Variants in RPS6KC1 observed in about 807,000 individuals in gnomAD.
RPS6KC1 encodes inactive ribosomal protein S6 kinase delta-1.
A neutral mutation model predicts 103.8 loss-of-function variants in RPS6KC1; 54 were observed. That is an observed-to-expected ratio of 0.52 (90% confidence interval 0.42 to 0.65). The LOEUF is 0.65. Ranked by LOEUF, RPS6KC1 falls within the 30% of genes least tolerant of loss-of-function variation. The probability of loss-of-function intolerance (pLI) is 0.00; values close to 1 mark genes in which losing one functional copy is unlikely to be tolerated. For synonymous variants in RPS6KC1, 439 were observed against 438.7 expected, an observed-to-expected ratio of 1.00 and a Z score of -0.01; for missense variants, 1,151 against 1,253.8, an observed-to-expected ratio of 0.92 and a Z score of 1.24.
chr1:213,283,725 G>T, the RPS6KC1 span, among the ~76,000 whole-genome samples: 6 of 152,156 alleles, frequency 3.9e-5, no homozygotes, highest in Non-Finnish European at 2.9e-5. Context: ...AGGAGAGATT[G>T]CTGGGAGTGG....
At chr1:213,222,902 A>T (rs750585915) in intron 8 of RPS6KC1, among the ~76,000 whole-genome samples, 18 of 152,230 alleles carry the variant, frequency 1.2e-4, no homozygotes, top group Non-Finnish European at 2.6e-4. Flanking sequence ...AAATTTGCCC[A>T]TCTGGTTAAA....
chr1:213,589,933 G>A, the RPS6KC1 span, among the ~76,000 whole-genome samples: 486 of 140,978 alleles, frequency 3.4e-3, 1 homozygote, highest in African/African-American at 0.012. Context: ...GTGACAAAAG[G>A]TAGTGGTGTG....
chr1:213,519,230 G>T, the RPS6KC1 span, among the ~76,000 whole-genome samples: 10 of 152,134 alleles, frequency 6.6e-5, no homozygotes, highest in Non-Finnish European at 1.3e-4. Flanking sequence ...TCATACGGAG[G>T]TTCATGCTGA....
chr1:213,716,424 A>T, the RPS6KC1 span, among the ~76,000 whole-genome samples: 1 of 152,154 alleles, frequency 6.6e-6, no homozygotes, highest in Non-Finnish European at 1.5e-5. Flanking sequence ...CTCTTAACTG[A>T]TCCCCTTTCC....
rs1193002243 is a variant in RPS6KC1 at position 213,102,040 on chromosome 1, T to C, written c.263-2414T>C. ...TGTCATTTTAGATTTGGTATTGTTATTGGGAGGGTTGAGTTTAATTGTTGC... is the reference window on the plus strand; with the variant it reads ...TGTCATTTTAGATTTGGTATTGTTACTGGGAGGGTTGAGTTTAATTGTTGC... On this transcript the variant is annotated intron_variant, in intron 3 of 14. Coordinates refer to ENST00000366960, the MANE Select transcript of RPS6KC1 (RefSeq NM_012424.6). 2.0e-5 allele frequency among the ~76,000 whole-genome samples: 3 copies of C among 152,208 alleles called. No homozygotes were observed. In the East Asian group the frequency reaches 5.8e-4, roughly 29 times the overall value.
the RPS6KC1 span, among the ~76,000 whole-genome samples, chr1:213,317,434 C>T: frequency 4.6e-5 from 7 of 152,202 alleles, no homozygotes; most frequent in African/African-American, 1.4e-4. Flanking sequence ...CATCCTCACA[C>T]AGCAGAGAGA....
intron 8 of RPS6KC1, among the ~76,000 whole-genome samples, chr1:213,217,250 T>G (rs370277992): frequency 6.7e-6 from 1 of 149,686 alleles, no homozygotes; most frequent in Non-Finnish European, 1.5e-5. Context: ...ACACCTCTAC[T>G]CAAATAAACT....
At chr1:213,810,254 A>G in the RPS6KC1 span, among the ~76,000 whole-genome samples, 2 of 152,202 alleles carry the variant, frequency 1.3e-5, no homozygotes, top group African/African-American at 4.8e-5. Flanking sequence ...CTGGCAGTTG[A>G]CTCAACAAAT....
At chr1:213,600,098 C>T in the RPS6KC1 span, among the ~76,000 whole-genome samples, 5 of 152,082 alleles carry the variant, frequency 3.3e-5, no homozygotes, top group Non-Finnish European at 5.9e-5. Context: ...TTTCTTGGCT[C>T]GCGCTTCCCT....
chr1:213,571,487 G>A, the RPS6KC1 span, among the ~76,000 whole-genome samples: 1 of 152,138 alleles, frequency 6.6e-6, no homozygotes, highest in Admixed American at 6.5e-5. Context: ...TCAAGCACAT[G>A]GCATGGATGG....
chr1:213,241,986 C>A lies in RPS6KC1; in HGVS notation c.2510C>A (p.Thr837Asn). Residue 837 changes from threonine (T) to asparagine (N), a missense_variant, in exon 11 of 15, where the codon ACT becomes AAT. Around this residue, in one of 3 missense-constraint regions of RPS6KC1, gnomAD observed 959 missense variants for 1,006.3 expected, o/e 0.95. Coordinates refer to ENST00000366960, the MANE Select transcript of RPS6KC1 (RefSeq NM_012424.6). ...GANEYIASTD[T>N]LKTEEVLLFT... ...AATGAATATATTGCAAGCACAGACA[C>A]TTTAAAAACAGAAGAAGTATTGCTG... The A allele has an allele frequency of 6.2e-7, 1 of 1,614,042 alleles. No individual in the cohort carries two copies. Among genetic ancestry groups the A allele is most frequent in the Non-Finnish European group, 8.5e-7 (1 of 1,179,956 alleles).
the RPS6KC1 span, among the ~76,000 whole-genome samples, chr1:213,362,710 T>C: frequency 2.6e-5 from 4 of 152,202 alleles, no homozygotes; most frequent in Non-Finnish European, 4.4e-5. Context: ...TGGTCAAACA[T>C]TATTCTGGAT....
chr1:213,694,160 T>G, the RPS6KC1 span, among the ~76,000 whole-genome samples: 58 of 152,266 alleles, frequency 3.8e-4, 1 homozygote, highest in Non-Finnish European at 1.2e-4. Context: ...ACTTATCTCC[T>G]GCTCAATCTC....
At chr1:213,781,420 C>T in the RPS6KC1 span, among the ~76,000 whole-genome samples, 75 of 152,064 alleles carry the variant, frequency 4.9e-4, no homozygotes, top group Non-Finnish European at 7.4e-5. Context: ...ATCCAGAAGG[C>T]AGGTGTGTGG....
chr1:213,241,078 C>T lies in RPS6KC1; in HGVS notation c.1602C>T (p.Phe534=), dbSNP rs1423560732. The part of the protein sequence containing the change: ...IEPGSLNEEP[F]MKTEGNGVDT... ...CAGGGTCTTTGAATGAGGAGCCCTT[C>T]ATGAAGACTGAAGGGAATGGTGTTG... The change falls in exon 11 of 15, where the codon TTC becomes TTT. Residue 534 remains phenylalanine (F), a synonymous_variant. Transcript: ENST00000366960. 1.2e-6 allele frequency: 2 copies of T among 1,613,532 alleles called. No individual in the cohort carries two copies. The highest frequency in any genetic ancestry group is 2.7e-5 in the African/African-American group (2 of 75,028).
the RPS6KC1 span, among the ~76,000 whole-genome samples, chr1:213,355,121 G>A: frequency 1.3e-5 from 2 of 152,030 alleles, no homozygotes; most frequent in Non-Finnish European, 2.9e-5. Flanking sequence ...AGGAGGCTGA[G>A]GCAGGAGAAT....
chr1:213,746,924 T>A, the RPS6KC1 span, among the ~76,000 whole-genome samples: 1 of 152,234 alleles, frequency 6.6e-6, no homozygotes, highest in Non-Finnish European at 1.5e-5. Context: ...AAGTCTGTGA[T>A]GTCTGTGTTA....
In RPS6KC1 at chr1:213,167,859, A is replaced by G; in HGVS notation, c.837A>G (p.Gly279=). ...GVDLLLEGVQ[G]ESSPTRREAV... Reference sequence around the variant, plus strand: ...ACATGTCCAGACTTTTTTTTTTAGGAGAGTCAAGCCCTACCCGTCGAGAAG... The same window carrying G: ...ACATGTCCAGACTTTTTTTTTTAGGGGAGTCAAGCCCTACCCGTCGAGAAG... Residue 279 remains glycine (G), a splice_region_variant and synonymous_variant, in exon 7 of 15, where the codon GGA becomes GGG. Transcript: ENST00000366960. 6.3e-7 allele frequency: 1 copy of G among 1,585,214 alleles called. No homozygotes were observed. Among genetic ancestry groups the G allele is most frequent in the Non-Finnish European group, 8.6e-7 (1 of 1,169,054 alleles).
At chr1:213,541,478 G>A in the RPS6KC1 span, among the ~76,000 whole-genome samples, 40 of 151,874 alleles carry the variant, frequency 2.6e-4, no homozygotes, top group African/African-American at 6.3e-4. Flanking sequence ...TAAAACAAAC[G>A]CAAACAAACA....
Sources: gnomAD v4.1 joint callset for allele counts (sites outside exome capture counted in the v4.1 genomes callset) on GRCh38, gnomAD v4.1.1 for gene constraint, gnomAD v4.1.1 regional missense constraint, MANE v1.5 for transcripts, NCBI Gene and HGNC (gene_info 2026-07-23, HGNC 2026-07-21) for gene names.